Variants in XKR6 observed in about 807,000 individuals in gnomAD.
The protein encoded by XKR6 is XK related 6, also known as XK-related protein 6.
XKR6 carries 22 observed loss-of-function variants against 56.7 expected under a neutral mutation model. The observed-to-expected ratio is 0.39, with a 90% CI of 0.28 to 0.55. The LOEUF is 0.55. XKR6 is among the 20% of genes least tolerant of loss of function. XKR6 has a pLI of 0.66. For missense variants in XKR6, 852 were observed against 889.0 expected (o/e 0.96, Z 0.53); for synonymous variants, 524 against 387.8 (o/e 1.35, Z -4.13).
At chr8:11,176,008 G>C (rs10108347) in intron 1 of XKR6, among the ~76,000 whole-genome samples, 66,447 of 151,642 alleles carry the variant, frequency 0.44, 15,413 homozygotes, top group Middle Eastern at 0.52. Context: ...CCCTAAGAAT[G>C]TGATCAGCTG....
intron 1 of XKR6, among the ~76,000 whole-genome samples, chr8:11,095,682 G>GCT (rs1798245101): frequency 6.6e-6 from 1 of 152,130 alleles, no homozygotes; most frequent in Admixed American, 6.5e-5. Context: ...GTGCAACTTG[G>GCT]CTCTCCTCCT....
chr8:11,189,217 T>G (rs989568493), intron 1 of XKR6, among the ~76,000 whole-genome samples: 1 of 152,174 alleles, frequency 6.6e-6, no homozygotes, highest in African/African-American at 2.4e-5. Context: ...AGACACAAAA[T>G]TCACTGGATT....
At chr8:11,140,528 A>G (rs1335517896) in intron 1 of XKR6, among the ~76,000 whole-genome samples, 1 of 152,218 alleles carries the variant, frequency 6.6e-6, no homozygotes, top group African/African-American at 2.4e-5. Flanking sequence ...CAATAATTTT[A>G]TCTCTAAGTA....
chr8:11,184,418 C>CAA (rs1563202305), intron 1 of XKR6, among the ~76,000 whole-genome samples: 3 of 142,822 alleles, frequency 2.1e-5, no homozygotes, highest in African/African-American at 8.0e-5. Context: ...CACACACACA[C>CAA]ACTTATATTA....
At chr8:11,082,393 A>G (rs1797754608) in intron 1 of XKR6, among the ~76,000 whole-genome samples, 1 of 152,234 alleles carries the variant, frequency 6.6e-6, no homozygotes, top group Non-Finnish European at 1.5e-5. Context: ...GGTAAACCTC[A>G]GCTGAGATAA....
intron 1 of XKR6, among the ~76,000 whole-genome samples, chr8:10,925,681 C>A (rs1167386843): frequency 6.6e-6 from 1 of 152,212 alleles, no homozygotes; most frequent in East Asian, 1.9e-4. Context: ...ACTAGTTATT[C>A]CAGCTCTGTG....
intron 1 of XKR6, among the ~76,000 whole-genome samples, chr8:11,086,150 T>TATATATATATATATATATATATA (rs1439777662): frequency 6.0e-4 from 68 of 112,730 alleles, no homozygotes; most frequent in African/African-American, 2.8e-3. Context: ...ATATATATAT[T>TATATATATATATATATATATATA]TTTTTTTAAA....
chr8:11,124,633 G>C (rs1000181917), intron 1 of XKR6: 3 of 153,266 alleles, frequency 2.0e-5, no homozygotes, highest in Non-Finnish European at 2.9e-5. Context: ...AGAAAAGAGA[G>C]TTTAAAACAC....
Position 11,037,581 on chromosome 8 carries a change from C to T in XKR6, c.765-112751G>A, listed in dbSNP as rs182219115. 2.6e-5 allele frequency among the ~76,000 whole-genome samples: 4 copies of T among 152,156 alleles called. No homozygotes were observed. In the East Asian group the frequency reaches 5.8e-4, roughly 22 times the overall value. On this transcript the variant is annotated intron_variant, in intron 1 of 2. Coordinates refer to ENST00000416569, the MANE Select transcript of XKR6 (RefSeq NM_173683.4). ...CGCATGTAAAAATGATTGAATGGGCCGGGCGCAGTGGCTCACGCCTGTAAT... is the reference window on the plus strand; with the variant it reads ...CGCATGTAAAAATGATTGAATGGGCTGGGCGCAGTGGCTCACGCCTGTAAT...
chr8:10,984,697 TCTCTC>T (rs1797813784), intron 1 of XKR6, among the ~76,000 whole-genome samples: 1 of 33,710 alleles, frequency 3.0e-5, no homozygotes, highest in African/African-American at 1.1e-4. Context: ...AATACATGGC[TCTCTC>T]TCTCTCTCTC....
chr8:11,111,907 G>C (rs1798915451), intron 1 of XKR6: 1 of 151,610 alleles, frequency 6.6e-6, no homozygotes, highest in African/African-American at 2.4e-5. Flanking sequence ...AAAACAAAAA[G>C]GAAACAAATT....
rs972426192 is a variant in XKR6, at chr8:11,077,327, A to G, written c.764+123249T>C. On this transcript the variant is annotated intron_variant, in intron 1 of 2. Transcript: ENST00000416569. ...TTTCATTTTTTCAAGCACCATCCAG[A>G]AAGTGTGGACACTCATGGCCCCTCC... Among the ~76,000 whole-genome samples the G allele has an allele frequency of 2.6e-5, 4 of 152,092 alleles. No homozygotes were observed. The East Asian group carries it at 7.7e-4, about 29-fold the overall frequency.
At chr8:10,984,312 A>G (rs538209302) in intron 1 of XKR6, among the ~76,000 whole-genome samples, 4 of 152,338 alleles carry the variant, frequency 2.6e-5, no homozygotes, top group African/African-American at 9.6e-5. Context: ...AAATTCTTAC[A>G]TGGATACACA....
At chr8:11,143,470 T>G (rs1800810788) in intron 1 of XKR6, among the ~76,000 whole-genome samples, 1 of 152,236 alleles carries the variant, frequency 6.6e-6, no homozygotes, top group African/African-American at 2.4e-5. Flanking sequence ...GAGGAATATG[T>G]TGAATTACAC....
At chr8:11,122,263 G>T (rs1293127663) in intron 1 of XKR6, among the ~76,000 whole-genome samples, 1 of 152,324 alleles carries the variant, frequency 6.6e-6, no homozygotes, top group Non-Finnish European at 1.5e-5. Flanking sequence ...CTGGTAAAAC[G>T]TCACTGAAGA....
chr8:11,155,644 G>C (rs1002930692), intron 1 of XKR6, among the ~76,000 whole-genome samples: 1 of 152,166 alleles, frequency 6.6e-6, no homozygotes, highest in Non-Finnish European at 1.5e-5. Flanking sequence ...TCAGCACACA[G>C]AGTGTAACAG....
At chr8:11,087,022 C>T (rs1320399224) in intron 1 of XKR6, among the ~76,000 whole-genome samples, 5 of 152,148 alleles carry the variant, frequency 3.3e-5, no homozygotes, top group African/African-American at 4.8e-5. Context: ...CCAGGGCTGA[C>T]GTGTGGGCAA....
intron 1 of XKR6, among the ~76,000 whole-genome samples, chr8:11,187,942 C>T (rs750995423): frequency 6.6e-6 from 1 of 152,206 alleles, no homozygotes. Flanking sequence ...TTAAGCCTCC[C>T]TGTATTTTTA....
At position 10,985,721 on chromosome 8, in the gene XKR6, T is replaced by C. The variant is rs561075649; in HGVS notation, c.765-60891A>G. Reference sequence around the variant, plus strand: ...TCATGAATTGTAACCACTAAACCTCTTTCCTTTTTTCCTTTATAAATTACG... The same window carrying C: ...TCATGAATTGTAACCACTAAACCTCCTTCCTTTTTTCCTTTATAAATTACG... On this transcript the variant is annotated intron_variant, in intron 1 of 2. Transcript: ENST00000416569. Among the ~76,000 whole-genome samples, 47 of 152,296 alleles carry C rather than the reference T, an allele frequency of 3.1e-4. 1 individual carries two copies. The South Asian group carries it at 8.9e-3, about 29-fold the overall frequency.
Sources: allele counts gnomAD v4.1 joint callset (sites outside exome capture counted in the v4.1 genomes callset), GRCh38; gene constraint gnomAD v4.1.1; transcripts MANE v1.5; gene names NCBI Gene and HGNC (gene_info 2026-07-23, HGNC 2026-07-21).